The following KATNIP variants were observed in gnomAD, a reference collection of about 807,000 sequenced individuals.
KATNIP encodes katanin-interacting protein.
KATNIP carries 126 observed loss-of-function variants against 174.0 expected under a neutral mutation model. The ratio of observed to expected loss-of-function variants is 0.72; its 90% confidence interval spans 0.63 to 0.84. The LOEUF (loss-of-function observed/expected upper bound fraction) is 0.84. Among genes scored for constraint, KATNIP ranks in the 40% least tolerant of loss-of-function variants. The pLI is 0.00. For synonymous variants in KATNIP, 810 were observed against 835.7 expected (o/e 0.97, Z 0.53); for missense variants, 1,958 against 2,109.7 (o/e 0.93, Z 1.41).
chr16:27,570,361 C>T (rs866381577), intron 1 of KATNIP, among the ~76,000 whole-genome samples: 3 of 151,668 alleles, frequency 2.0e-5, no homozygotes, highest in African/African-American at 4.8e-5. Context: ...GTCAGGAGTT[C>T]GAGACCAGCC....
At chr16:27,582,715 A>G (rs956981185) in intron 2 of KATNIP, among the ~76,000 whole-genome samples, 7 of 152,164 alleles carry the variant, frequency 4.6e-5, no homozygotes, top group Non-Finnish European at 1.0e-4. Flanking sequence ...CCCCCTCTAT[A>G]AGATGGGGAT....
intron 10 of KATNIP, 49 bp from the exon 11 acceptor site, chr16:27,701,540 C>A: frequency 7.0e-7 from 1 of 1,429,872 alleles, no homozygotes; most frequent in Non-Finnish European, 9.6e-7. Flanking sequence ...GTGTCTTAGG[C>A]CAGGAGTGTT....
At chr16:27,559,321 C>G (rs1479779640) in intron 1 of KATNIP, among the ~76,000 whole-genome samples, 1 of 152,174 alleles carries the variant, frequency 6.6e-6, no homozygotes, top group African/African-American at 2.4e-5. Flanking sequence ...TGCCTACCTG[C>G]TCTCACACCC....
chr16:27,709,995 C>A (rs1334603297), intron 13 of KATNIP, among the ~76,000 whole-genome samples: 1 of 152,288 alleles, frequency 6.6e-6, no homozygotes, highest in East Asian at 1.9e-4. Context: ...CTTGCCCACA[C>A]CCCCTCAGGA....
chr16:27,560,806 T>C (rs948161929), intron 1 of KATNIP, among the ~76,000 whole-genome samples: 1 of 152,208 alleles, frequency 6.6e-6, no homozygotes, highest in Non-Finnish European at 1.5e-5. Flanking sequence ...TTCTTTCCTT[T>C]GTATGCCCAG....
chr16:27,716,312 G>T (rs2079935294), intron 13 of KATNIP, among the ~76,000 whole-genome samples: 1 of 152,196 alleles, frequency 6.6e-6, no homozygotes, highest in African/African-American at 2.4e-5. Context: ...AAGCAGGAAT[G>T]GGGAGAGACT....
chr16:27,754,543 A>C, intron 18 of KATNIP: 1 of 376,624 alleles, frequency 2.7e-6, no homozygotes, highest in Non-Finnish European at 4.9e-6. Flanking sequence ...ACCCTGACCC[A>C]GGAGGTGTAG....
intron 2 of KATNIP, among the ~76,000 whole-genome samples, chr16:27,583,473 A>T (rs960510917): frequency 6.6e-6 from 1 of 152,210 alleles, no homozygotes; most frequent in Non-Finnish European, 1.5e-5. Flanking sequence ...GTTACTCAGG[A>T]AAGGTATGTC....
chr16:27,695,224 C>T (rs942670367), intron 8 of KATNIP, among the ~76,000 whole-genome samples: 2 of 152,244 alleles, frequency 1.3e-5, no homozygotes, highest in African/African-American at 4.8e-5. Context: ...AGTCTCTTCT[C>T]CACTCTGCAC....
chr16:27,773,802 A>G (rs1184243223), intron 23 of KATNIP, among the ~76,000 whole-genome samples: 17 of 152,018 alleles, frequency 1.1e-4, no homozygotes. Flanking sequence ...CTCCCCAAGC[A>G]TATCCTTCTG....
rs1349332206 is a variant in KATNIP, at chr16:27,699,520, T to C, written c.1114-14T>C. ...TTTGTTCCAACATCACATCATGTGA[T>C]CACATCCTTCCAGGATGCAGAAGGA... On this transcript the variant is annotated splice_polypyrimidine_tract_variant and intron_variant, in intron 9 of 27. Coordinates refer to ENST00000261588, the MANE Select transcript of KATNIP (RefSeq NM_015202.5). The C allele has an allele frequency of 6.2e-7, 1 of 1,614,012 alleles. No homozygotes were observed. Among genetic ancestry groups the C allele is most frequent in the Non-Finnish European group, 8.5e-7 (1 of 1,179,928 alleles).
At chr16:27,557,429 G>T (rs1261490402) in intron 1 of KATNIP, among the ~76,000 whole-genome samples, 1 of 112,522 alleles carries the variant, frequency 8.9e-6, no homozygotes, top group Non-Finnish European at 1.8e-5. Context: ...TACAGGTGTG[G>T]ATTTTTTTTT....
chr16:27,596,892 G>T (rs189613442), intron 2 of KATNIP, among the ~76,000 whole-genome samples: 487 of 152,274 alleles, frequency 3.2e-3, no homozygotes, highest in Non-Finnish European at 5.8e-3. Context: ...GAGTGGTGGC[G>T]TGTGCCTATA....
chr16:27,739,997 TC>T (rs1281817698), intron 14 of KATNIP, 43 bp from the exon 15 acceptor site: 1 of 1,565,612 alleles, frequency 6.4e-7, no homozygotes. Context: ...CATACATCAG[TC>T]TGATGCTATG....
intron 12 of KATNIP, among the ~76,000 whole-genome samples, chr16:27,704,607 A>G (rs1194304478): frequency 6.6e-6 from 1 of 152,196 alleles, no homozygotes; most frequent in East Asian, 1.9e-4. Context: ...TTTTTTTTAA[A>G]ACCTAAATGT....
At chr16:27,602,284 C>T (rs934773998) in intron 2 of KATNIP, among the ~76,000 whole-genome samples, 2 of 152,130 alleles carry the variant, frequency 1.3e-5, no homozygotes, top group African/African-American at 4.8e-5. Flanking sequence ...GAAAGGATGT[C>T]AGGTCTGCCC....
chr16:27,702,398 G>C (rs1026745105), intron 11 of KATNIP, among the ~76,000 whole-genome samples: 12 of 152,232 alleles, frequency 7.9e-5, no homozygotes, highest in Non-Finnish European at 7.3e-5. Flanking sequence ...TATTGGAACT[G>C]TCAGGTTTTA....
At chr16:27,585,012 G>A (rs147276656) in intron 2 of KATNIP, among the ~76,000 whole-genome samples, 1 of 152,238 alleles carries the variant, frequency 6.6e-6, no homozygotes, top group Non-Finnish European at 1.5e-5. Flanking sequence ...CCTCCTCCCT[G>A]TAGGCCCTTG....
chr16:27,716,914 G>A (rs368270343), intron 13 of KATNIP, among the ~76,000 whole-genome samples: 8 of 151,826 alleles, frequency 5.3e-5, no homozygotes, highest in Non-Finnish European at 8.8e-5. Context: ...GGGCGATCTC[G>A]GCTCACTGCA....
Sources: allele counts gnomAD v4.1 joint callset (sites outside exome capture counted in the v4.1 genomes callset), GRCh38; gene constraint gnomAD v4.1.1; transcripts MANE v1.5; gene names NCBI Gene and HGNC (gene_info 2026-07-23, HGNC 2026-07-21).